Variants in NLGN1 observed in about 807,000 individuals in gnomAD.
NLGN1 encodes the protein neuroligin-1.
NLGN1 carries 12 observed loss-of-function variants against 65.5 expected under a neutral mutation model. The ratio of observed to expected loss-of-function variants is 0.18; its 90% CI spans 0.12 to 0.30. The LOEUF (loss-of-function observed/expected upper bound fraction) is 0.30, where lower values mean the gene tolerates loss of function less well. Ranked by LOEUF, NLGN1 falls within the 10% of genes least tolerant of loss-of-function variation. NLGN1 has a pLI of 1.00. For synonymous variants in NLGN1, 350 were observed against 359.5 expected (o/e 0.97, Z 0.30); for missense variants, 750 against 1,007.1 (o/e 0.74, Z 3.46).
At chr3:173,829,132 G>A (rs151121032) in intron 4 of NLGN1, among the ~76,000 whole-genome samples, 4 of 152,064 alleles carry the variant, frequency 2.6e-5, no homozygotes, top group African/African-American at 4.8e-5. Context: ...GATGGTGAGC[G>A]TGGAAGCAGT....
intron 2 of NLGN1, among the ~76,000 whole-genome samples, chr3:173,573,692 C>G (rs1025001908): frequency 6.7e-6 from 1 of 150,204 alleles, no homozygotes; most frequent in Admixed American, 6.7e-5. Context: ...TATTTGTTTC[C>G]TGGTCTAGTT....
intron 2 of NLGN1, among the ~76,000 whole-genome samples, chr3:173,501,032 G>A (rs9853391): frequency 6.6e-5 from 10 of 152,088 alleles, no homozygotes; most frequent in African/African-American, 2.4e-5. Flanking sequence ...TAGTATCTTC[G>A]AAATTGACAT....
chr3:173,851,209 A>G (rs144008674), intron 4 of NLGN1, among the ~76,000 whole-genome samples: 1 of 152,276 alleles, frequency 6.6e-6, no homozygotes, highest in African/African-American at 2.4e-5. Context: ...AAATTTTAGA[A>G]CATTTCATCA....
At chr3:173,479,005 GA>G (rs1378113463) in intron 2 of NLGN1, among the ~76,000 whole-genome samples, 1 of 152,144 alleles carries the variant, frequency 6.6e-6, no homozygotes, top group Non-Finnish European at 1.5e-5. Flanking sequence ...GATATCAGTT[GA>G]AGAACTAGAG....
At chr3:174,154,383 A>T (rs1724944567) in intron 4 of NLGN1, among the ~76,000 whole-genome samples, 1 of 152,076 alleles carries the variant, frequency 6.6e-6, no homozygotes, top group African/African-American at 2.4e-5. Flanking sequence ...CATTTAATCT[A>T]GGGCTCCCTG....
intron 1 of NLGN1, among the ~76,000 whole-genome samples, chr3:173,411,834 TAATA>T (rs1457992775): frequency 6.6e-6 from 1 of 152,062 alleles, no homozygotes; most frequent in African/African-American, 2.4e-5. Context: ...ATAGAAAAAT[TAATA>T]CTAGTGGCAG....
At chr3:173,643,452 CAGA>C (rs1186369075) in intron 3 of NLGN1, among the ~76,000 whole-genome samples, 1 of 152,084 alleles carries the variant, frequency 6.6e-6, no homozygotes, top group African/African-American at 2.4e-5. Flanking sequence ...ACTAGGCATA[CAGA>C]AGAAGATAAT....
chr3:173,954,320 G>C (rs1748769766), intron 4 of NLGN1, among the ~76,000 whole-genome samples: 1 of 152,074 alleles, frequency 6.6e-6, no homozygotes, highest in African/African-American at 2.4e-5. Context: ...ATCTACATCA[G>C]TAGTCACCAC....
intron 4 of NLGN1, among the ~76,000 whole-genome samples, chr3:174,091,362 T>C (rs1318262756): frequency 2.0e-5 from 3 of 152,352 alleles, no homozygotes; most frequent in South Asian, 2.1e-4. Context: ...TTATGCTGAC[T>C]TAACACCTGT....
chr3:173,471,530 G>T (rs1395609042), intron 2 of NLGN1, among the ~76,000 whole-genome samples: 2 of 152,024 alleles, frequency 1.3e-5, no homozygotes, highest in African/African-American at 4.8e-5. Flanking sequence ...ATTGGGTTAG[G>T]GGCCCAACCT....
intron 4 of NLGN1, among the ~76,000 whole-genome samples, chr3:173,867,560 G>A (rs561192339): frequency 6.6e-6 from 1 of 152,014 alleles, no homozygotes; most frequent in East Asian, 1.9e-4. Flanking sequence ...AGTTTTTAAA[G>A]AAACATATAA....
intron 3 of NLGN1, among the ~76,000 whole-genome samples, chr3:173,723,759 G>T (rs947987191): frequency 3.3e-5 from 5 of 152,142 alleles, no homozygotes; most frequent in Non-Finnish European, 5.9e-5. Context: ...TTTACTTAAA[G>T]AATTACTTTT....
chr3:174,048,243 C>T lies in NLGN1; in HGVS notation c.647-227072C>T, dbSNP rs117812967. Reference sequence around the variant, plus strand: ...GCTGCTGGTTTAATGTTAATTTGATCTGGAGATAGTCGTGATGTGTAATTT... The same window carrying T: ...GCTGCTGGTTTAATGTTAATTTGATTTGGAGATAGTCGTGATGTGTAATTT... On this transcript the variant is annotated intron_variant, in intron 4 of 6. Coordinates refer to ENST00000457714, the Ensembl canonical transcript of NLGN1. 2.6e-4 allele frequency among the ~76,000 whole-genome samples: 39 copies of T among 152,156 alleles called. No individual in the cohort carries two copies. In the East Asian group the frequency reaches 6.0e-3, roughly 23 times the overall value.
chr3:174,228,521 T>C (rs1740124745), intron 4 of NLGN1, among the ~76,000 whole-genome samples: 1 of 152,128 alleles, frequency 6.6e-6, no homozygotes, highest in East Asian at 1.9e-4. Context: ...TGCATACAAG[T>C]GTAGAGGGTC....
intron 3 of NLGN1, among the ~76,000 whole-genome samples, chr3:173,741,953 G>A (rs1774717583): frequency 6.6e-6 from 1 of 152,080 alleles, no homozygotes; most frequent in Admixed American, 6.6e-5. Context: ...GTTGGAAGCT[G>A]GCCTTCCCAC....
intron 2 of NLGN1, among the ~76,000 whole-genome samples, chr3:173,561,426 C>CA (rs1742708700): frequency 6.6e-6 from 1 of 152,200 alleles, no homozygotes; most frequent in African/African-American, 2.4e-5. Context: ...AATCCTAGTA[C>CA]AAAATCCCAT....
Position 174,078,998 on chromosome 3 carries a change from GT to G in NLGN1, c.647-196316del, listed in dbSNP as rs201874214. On this transcript the variant is annotated intron_variant, in intron 4 of 6. Coordinates refer to ENST00000457714, the Ensembl canonical transcript of NLGN1. ...GACACAAGTACCGTAATACAACGGT[GT>G]GTGTGTGTGTGTGTATGTAAATGTG... Among the ~76,000 whole-genome samples the G allele has an allele frequency of 5.3e-3, 801 of 151,110 alleles. 6 individuals carry two copies. Among genetic ancestry groups the G allele is most frequent in the Middle Eastern group, 0.051 (15 of 294 alleles).
intron 4 of NLGN1, among the ~76,000 whole-genome samples, chr3:173,854,412 A>G (rs1269622696): frequency 1.3e-5 from 2 of 152,042 alleles, no homozygotes; most frequent in Admixed American, 6.6e-5. Flanking sequence ...TATAAAAATT[A>G]TAAAGAAAAA....
intron 3 of NLGN1, among the ~76,000 whole-genome samples, chr3:173,762,729 T>C (rs1268640830): frequency 6.6e-6 from 1 of 151,920 alleles, no homozygotes; most frequent in African/African-American, 2.4e-5. Context: ...TATAAGAGAG[T>C]AACTTAGACA....
Sources: gnomAD v4.1 joint callset for allele counts (sites outside exome capture counted in the v4.1 genomes callset) on GRCh38, gnomAD v4.1.1 for gene constraint, MANE v1.5 for transcripts, NCBI Gene and HGNC (gene_info 2026-07-23, HGNC 2026-07-21) for gene names.